KCNIP4: variants seen among roughly 807,000 people sequenced by gnomAD.
The protein encoded by KCNIP4 is potassium voltage-gated channel interacting protein 4, also known as Kv channel-interacting protein 4.
Under a neutral mutation model 34.0 loss-of-function variants are expected in KCNIP4, and 12 were observed. The observed-to-expected ratio is 0.35, with a 90% CI of 0.23 to 0.57. The LOEUF (loss-of-function observed/expected upper bound fraction) is 0.57, where lower values mean the gene tolerates loss of function less well. Ranked by LOEUF, KCNIP4 falls within the 20% of genes least tolerant of loss-of-function variation. KCNIP4 has a pLI of 0.83. For synonymous variants in KCNIP4, 124 were observed against 102.2 expected, an observed-to-expected ratio of 1.21 and a Z score of -1.29; for missense variants, 238 against 311.7, an observed-to-expected ratio of 0.76 and a Z score of 1.78.
chr4:21,293,024 G>A (rs898413203), intron 1 of KCNIP4, among the ~76,000 whole-genome samples: 1 of 152,166 alleles, frequency 6.6e-6, no homozygotes, highest in Non-Finnish European at 1.5e-5. Flanking sequence ...ACAAGCATCA[G>A]GACAAACAGT....
At chr4:21,419,859 G>T (rs1005157838) in intron 1 of KCNIP4, among the ~76,000 whole-genome samples, 6 of 152,154 alleles carry the variant, frequency 3.9e-5, no homozygotes, top group Non-Finnish European at 8.8e-5. Context: ...TGCAGAAATT[G>T]TACTGGCGAC....
At chr4:21,545,770 A>T (rs1415109142) in intron 1 of KCNIP4, among the ~76,000 whole-genome samples, 2 of 152,064 alleles carry the variant, frequency 1.3e-5, no homozygotes, top group Admixed American at 1.3e-4. Context: ...CATTTTCTTT[A>T]TTCAGTCTAT....
chr4:21,456,840 G>T lies in KCNIP4; in HGVS notation c.61+491731C>A, dbSNP rs549239006. Among the ~76,000 whole-genome samples, 13 of 152,090 alleles carry T rather than the reference G, an allele frequency of 8.5e-5. No homozygotes were observed. In the South Asian group the frequency reaches 2.5e-3, roughly 29 times the overall value. On this transcript the variant is annotated intron_variant, in intron 1 of 8. Coordinates refer to ENST00000382152, the MANE Select transcript of KCNIP4 (RefSeq NM_025221.6). ...TTTACAGAATGAATTATAGATTAGG[G>T]TGCTCTGCATGAATTTGCAGATTCC...
chr4:20,992,974 G>A (rs892283111), intron 1 of KCNIP4, among the ~76,000 whole-genome samples: 8 of 135,824 alleles, frequency 5.9e-5, no homozygotes, highest in African/African-American at 2.0e-4. Context: ...GTTGCAGTGA[G>A]CCGAGATCAT....
chr4:21,205,194 G>A (rs993449078), intron 1 of KCNIP4, among the ~76,000 whole-genome samples: 26 of 152,258 alleles, frequency 1.7e-4, no homozygotes, highest in Admixed American at 1.4e-3. Flanking sequence ...ATATTTCTTA[G>A]CAAACATCCA....
intron 1 of KCNIP4, among the ~76,000 whole-genome samples, chr4:21,478,500 G>A (rs1731171653): frequency 6.6e-6 from 1 of 152,140 alleles, no homozygotes; most frequent in African/African-American, 2.4e-5. Context: ...TTAGCATTAA[G>A]ATGTTTTCCA....
At chr4:20,821,795 C>T (rs994964388) in intron 3 of KCNIP4, among the ~76,000 whole-genome samples, 7 of 152,124 alleles carry the variant, frequency 4.6e-5, no homozygotes, top group African/African-American at 7.2e-5. Flanking sequence ...ATTCAAATTG[C>T]TGCAAAAGAC....
intron 2 of KCNIP4, among the ~76,000 whole-genome samples, chr4:20,866,306 G>A (rs1034247090): frequency 2.5e-4 from 38 of 151,868 alleles, no homozygotes; most frequent in African/African-American, 8.5e-4. Context: ...AAGTTAATAC[G>A]CCACAATTAA....
intron 1 of KCNIP4, among the ~76,000 whole-genome samples, chr4:21,617,967 C>A (rs1166731125): frequency 6.6e-6 from 1 of 152,096 alleles, no homozygotes; most frequent in African/African-American, 2.4e-5. Context: ...AAAACAAAAA[C>A]TTTTACAGAA....
At chr4:21,817,749 GT>G (rs1280955919) in intron 1 of KCNIP4, among the ~76,000 whole-genome samples, 1 of 152,128 alleles carries the variant, frequency 6.6e-6, no homozygotes, top group Non-Finnish European at 1.5e-5. Flanking sequence ...GCTTACTAGG[GT>G]GGGGAAAAAC....
At chr4:21,943,651 G>GA (rs1376862932) in intron 1 of KCNIP4, among the ~76,000 whole-genome samples, 1 of 152,198 alleles carries the variant, frequency 6.6e-6, no homozygotes, top group Non-Finnish European at 1.5e-5. Context: ...TAGGAGCCTT[G>GA]AAAATCAAGC....
At chr4:20,731,965 A>ATGAT in intron 8 of KCNIP4, 41 bp downstream of exon 8, 2 of 1,610,682 alleles carry the variant, frequency 1.2e-6, no homozygotes, top group Non-Finnish European at 1.7e-6. Flanking sequence ...TTTAGCTGTT[A>ATGAT]TGATAGCTGA....
At chr4:21,517,055 G>A (rs758574295) in intron 1 of KCNIP4, among the ~76,000 whole-genome samples, 3 of 152,116 alleles carry the variant, frequency 2.0e-5, no homozygotes, top group Non-Finnish European at 4.4e-5. Context: ...GAAACACTCA[G>A]GGGATGTCAG....
chr4:21,294,752 G>A (rs1362777849), intron 1 of KCNIP4, among the ~76,000 whole-genome samples: 3 of 152,160 alleles, frequency 2.0e-5, no homozygotes, highest in African/African-American at 7.2e-5. Context: ...CATAAAATGA[G>A]GAAGCTGGAC....
At chr4:21,916,839 A>G (rs749989575) in intron 1 of KCNIP4, among the ~76,000 whole-genome samples, 3 of 152,184 alleles carry the variant, frequency 2.0e-5, no homozygotes, top group Non-Finnish European at 2.9e-5. Flanking sequence ...CTTATCAGCA[A>G]TATCAAAGCT....
chr4:21,295,213 C>G (rs891324568), intron 1 of KCNIP4, among the ~76,000 whole-genome samples: 1 of 152,076 alleles, frequency 6.6e-6, no homozygotes, highest in African/African-American at 2.4e-5. Context: ...TTTTGGCTTG[C>G]GCTCACACGA....
chr4:21,779,641 C>T (rs537893081), intron 1 of KCNIP4, among the ~76,000 whole-genome samples: 48 of 152,242 alleles, frequency 3.2e-4, no homozygotes, highest in Non-Finnish European at 4.3e-4. Context: ...CGATAGTTCA[C>T]GTCTGTAATC....
At chr4:21,434,771 GAAA>G (rs59106181) in intron 1 of KCNIP4, among the ~76,000 whole-genome samples, 145 of 128,748 alleles carry the variant, frequency 1.1e-3, no homozygotes, top group African/African-American at 3.2e-3. Context: ...TCTGTGGGGG[GAAA>G]AAAAAAAAAA....
chr4:21,841,196 A>G (rs1723656530), intron 1 of KCNIP4, among the ~76,000 whole-genome samples: 1 of 152,182 alleles, frequency 6.6e-6, no homozygotes. Context: ...CTTATGAACT[A>G]AGGCAGAGAT....
Sources: allele counts gnomAD v4.1 joint callset (sites outside exome capture counted in the v4.1 genomes callset), GRCh38; gene constraint gnomAD v4.1.1; transcripts MANE v1.5; gene names NCBI Gene and HGNC (gene_info 2026-07-23, HGNC 2026-07-21).